CFAP97D2: variants seen among roughly 807,000 people sequenced by gnomAD.
CFAP97D2 encodes the protein uncharacterized protein CFAP97D2.
intron 1 of CFAP97D2, among the ~76,000 whole-genome samples, chr13:114,182,059 C>CG (rs1566610132): frequency 5.9e-5 from 9 of 152,006 alleles, no homozygotes; most frequent in African/African-American, 2.2e-4. Flanking sequence ...GGACCTGCAC[C>CG]AGCACCGGTC....
chr13:114,200,102 G>C (rs1364823361), intron 2 of CFAP97D2, among the ~76,000 whole-genome samples: 1 of 151,708 alleles, frequency 6.6e-6, no homozygotes, highest in Non-Finnish European at 1.5e-5. Context: ...CCGTGCTTAC[G>C]GTCCCCGCTG....
chr13:114,194,207 G>C (rs1232500569), intron 1 of CFAP97D2, among the ~76,000 whole-genome samples: 1 of 152,164 alleles, frequency 6.6e-6, no homozygotes, highest in Non-Finnish European at 1.5e-5. Context: ...AATGGATCTA[G>C]GATCATTCAC....
intron 1 of CFAP97D2, among the ~76,000 whole-genome samples, chr13:114,194,607 A>G (rs1262036735): frequency 2.0e-5 from 3 of 152,134 alleles, no homozygotes; most frequent in Admixed American, 6.5e-5. Flanking sequence ...CCCCAAGAGC[A>G]TTCTTTGATG....
At position 114,222,389 on chromosome 13, in the gene CFAP97D2, T is replaced by C; in HGVS notation, c.481-109T>C. ...ATTTTAAAAATTGTATGTTTAATTC[T>C]AAGTAAAGACTTGTCAATGAGTTGA... On this transcript the variant is annotated intron_variant, in intron 4 of 4. Coordinates refer to ENST00000646158, the Ensembl canonical transcript of CFAP97D2. This position sits in a 1 kb window ranked among gnomAD's most constrained non-coding sequence, Gnocchi z 4.4. The C allele has an allele frequency of 2.5e-6, 1 of 397,514 alleles. No individual in the cohort carries two copies. The highest frequency in any genetic ancestry group is 4.4e-5 in the Admixed American group (1 of 22,712). 24.6% of individuals were successfully genotyped at this position (397,514 alleles called of 1,614,324 possible).
rs1012489322 is a variant in CFAP97D2 at position 114,185,946 on chromosome 13, A to T, written c.90+6526A>T. Among the ~76,000 whole-genome samples, 4 of 152,174 alleles carry T rather than the reference A, an allele frequency of 2.6e-5. No individual in the cohort carries two copies. Among genetic ancestry groups the T allele is most frequent in the Admixed American group, 6.5e-5 (1 of 15,280 alleles). On this transcript the variant is annotated intron_variant, in intron 1 of 4. Coordinates refer to ENST00000646158, the Ensembl canonical transcript of CFAP97D2. This position sits in a 1 kb window ranked among gnomAD's most constrained non-coding sequence, Gnocchi z 5.2. ...GTGAAGCCCCACCTTCAAGCTGGGG[A>T]GGGCCTGAAGCCTGGGGTTCCAGCT...
chr13:114,181,356 G>A (rs1328386545), intron 1 of CFAP97D2, among the ~76,000 whole-genome samples: 5 of 152,224 alleles, frequency 3.3e-5, no homozygotes, highest in Non-Finnish European at 7.3e-5. Flanking sequence ...GCAGGGGTAT[G>A]CTGAGGGGCG....
chr13:114,209,239 G>A (rs1349366104), intron 3 of CFAP97D2, among the ~76,000 whole-genome samples: 1 of 152,218 alleles, frequency 6.6e-6, no homozygotes, highest in Non-Finnish European at 1.5e-5. Context: ...ATCCAACACA[G>A]CTAATTTGCT....
rs984589950 is a variant in CFAP97D2, at chr13:114,207,995, T to C, written c.291-3917T>C. Among the ~76,000 whole-genome samples the C allele has an allele frequency of 6.6e-6, 1 of 152,110 alleles. No individual in the cohort carries two copies. The highest frequency in any genetic ancestry group is 1.5e-5 in the Non-Finnish European group (1 of 68,016). ...TGCATCTCCTTGGGTCACTCGGCAG[T>C]TTCAACATTCCATGGAGCTGGTAAG... is the stretch of plus-strand genomic sequence containing the variant. On this transcript the variant is annotated intron_variant, in intron 3 of 4. Transcript: ENST00000646158. This position sits in a 1 kb window ranked among gnomAD's most constrained non-coding sequence, Gnocchi z 4.9.
At chr13:114,212,223 A>T (rs7324158) in intron 4 of CFAP97D2, 1 of 396,754 alleles carries the variant, frequency 2.5e-6, no homozygotes, top group Non-Finnish European at 4.4e-6. Flanking sequence ...ATTTTGTTCA[A>T]TTGTCAGCAA....
At chr13:114,200,402 C>G (rs939375118) in exon 3 of CFAP97D2, 2 of 398,590 alleles carry the variant, frequency 5.0e-6, no homozygotes, top group Admixed American at 8.8e-5. Flanking sequence ...TCATGAGGAC[C>G]AGGGGACAGA....
At chr13:114,180,453 T>A (rs117075446) in intron 1 of CFAP97D2, among the ~76,000 whole-genome samples, 1 of 152,130 alleles carries the variant, frequency 6.6e-6, no homozygotes, top group Non-Finnish European at 1.5e-5. Context: ...CCCGGCTCCT[T>A]CCCCAGCTCA....
chr13:114,215,791 T>C (rs1176779948), intron 4 of CFAP97D2: 1 of 152,218 alleles, frequency 6.6e-6, no homozygotes, highest in Non-Finnish European at 1.5e-5. Flanking sequence ...CCAAAAGCAG[T>C]GTCTGCTTTG....
Position 114,212,352 on chromosome 13 carries a change from TGATTGTAGA to T in CFAP97D2, c.480+252_480+260del, listed in dbSNP as rs2080970909. ...GGAAATTAAAATAAGCTCAGCTGAT[TGATTGTAGA>T]TTGTGAGAGAAAGATTTGGTGAAAA... On this transcript the variant is annotated intron_variant, in intron 4 of 4. Coordinates refer to ENST00000646158, the Ensembl canonical transcript of CFAP97D2. 2.2e-5 allele frequency: 7 copies of T among 318,726 alleles called. No individual in the cohort carries two copies. In the East Asian group the frequency reaches 3.4e-4, roughly 15 times the overall value. 19.7% of individuals were successfully genotyped at this position (318,726 alleles called of 1,614,324 possible). A position where few individuals can be genotyped will look rare whatever the true frequency, so the allele number is the denominator to read the frequency against.
At chr13:114,198,924 G>A (rs1272751271) in intron 2 of CFAP97D2, among the ~76,000 whole-genome samples, 1 of 49,650 alleles carries the variant, frequency 2.0e-5, no homozygotes, top group Non-Finnish European at 3.2e-5. Context: ...GCGCGTCCCC[G>A]TGTGTACGGT....
At chr13:114,198,374 C>T (rs1342174897) in intron 2 of CFAP97D2, among the ~76,000 whole-genome samples, 1 of 152,224 alleles carries the variant, frequency 6.6e-6, no homozygotes, top group East Asian at 1.9e-4. Context: ...AGCATATCTG[C>T]AGACCGACCA....
intron 1 of CFAP97D2, among the ~76,000 whole-genome samples, chr13:114,183,771 C>A (rs369441502): frequency 2.6e-5 from 4 of 152,206 alleles, no homozygotes; most frequent in Admixed American, 1.3e-4. Flanking sequence ...AAAGGCCCCA[C>A]CTCTTATTAC....
Position 114,187,257 on chromosome 13 carries a change from G to A in CFAP97D2, c.90+7837G>A, listed in dbSNP as rs2080855579. ...AATTAAAACCACAAAAGGCAGAAAA[G>A]ACAAAAATAACAAATATCAAGAGTA... On this transcript the variant is annotated intron_variant, in intron 1 of 4. Transcript: ENST00000646158. This position sits in a 1 kb window ranked among gnomAD's most constrained non-coding sequence, Gnocchi z 4.2. Among the ~76,000 whole-genome samples the A allele has an allele frequency of 6.6e-6, 1 of 151,204 alleles. No individual in the cohort carries two copies. The highest frequency in any genetic ancestry group is 6.6e-5 in the Admixed American group (1 of 15,174).
intron 3 of CFAP97D2, among the ~76,000 whole-genome samples, chr13:114,200,951 G>C (rs2080915343): frequency 6.6e-6 from 1 of 152,200 alleles, no homozygotes; most frequent in African/African-American, 2.4e-5. Flanking sequence ...ACTAGGTCCA[G>C]CATCTTTCTG....
At chr13:114,214,328 T>C (rs58446376) in intron 4 of CFAP97D2, 1 of 152,192 alleles carries the variant, frequency 6.6e-6, no homozygotes, top group Non-Finnish European at 1.5e-5. Flanking sequence ...CTACTAACTC[T>C]GAAGGCATTC....
Sources: gnomAD v4.1 joint callset for allele counts (sites outside exome capture counted in the v4.1 genomes callset) on GRCh38, gnomAD v4.1.1 for gene constraint, Gnocchi (gnomAD v3.1) non-coding constraint, MANE v1.5 for transcripts, NCBI Gene and HGNC (gene_info 2026-07-23, HGNC 2026-07-21) for gene names.